Variants in IL1R2 observed in about 807,000 individuals in gnomAD.
IL1R2 encodes the protein interleukin-1 receptor type 2.
A neutral mutation model predicts 39.5 loss-of-function variants in IL1R2; 46 were observed. That is an observed-to-expected ratio of 1.16 (90% confidence interval 0.92 to 1.49). IL1R2 has a LOEUF of 1.49. IL1R2 is among the 40% of genes most tolerant of loss of function. The pLI, the probability that IL1R2 is intolerant of heterozygous loss-of-function variation, is 0.00. For synonymous variants in IL1R2, 207 were observed against 189.6 expected (o/e 1.09, Z -0.75); for missense variants, 537 against 502.0 (o/e 1.07, Z -0.67).
intron 2 of IL1R2, 109 bp from the exon 3 acceptor site, chr2:102,009,453 T>A: frequency 8.1e-7 from 1 of 1,230,682 alleles, no homozygotes; most frequent in Non-Finnish European, 1.1e-6. Context: ...TTCTCAAATG[T>A]GCTCCAGGTT....
At chr2:102,004,888 C>T (rs1676166727) in intron 1 of IL1R2, among the ~76,000 whole-genome samples, 1 of 152,208 alleles carries the variant, frequency 6.6e-6, no homozygotes, top group Non-Finnish European at 1.5e-5. Context: ...AGACAATTCC[C>T]TTGGCTGGAG....
In IL1R2 at chr2:102,008,555, C is replaced by A; in HGVS notation, c.-21C>A. On this transcript the variant is annotated 5_prime_UTR_variant, in exon 2 of 9. Transcript: ENST00000332549. ...GTCTCAGTCCTCCACTTCCCGTGTC[C>A]TCTGGAAGTTGTCAGGAGCAATGTT... 6.2e-7 allele frequency: 1 copy of A among 1,611,474 alleles called. No individual in the cohort carries two copies. The highest frequency in any genetic ancestry group is 8.5e-7 in the Non-Finnish European group (1 of 1,177,656).
intron 1 of IL1R2, among the ~76,000 whole-genome samples, chr2:102,003,199 T>C (rs1398031767): frequency 6.7e-6 from 1 of 149,908 alleles, no homozygotes; most frequent in African/African-American, 2.4e-5. Context: ...TCTGTGTCTA[T>C]GTCTATGTCT....
At chr2:102,028,156 C>A (rs1677846358) in intron 8 of IL1R2, 70 bp from the exon 9 acceptor site, 1 of 1,277,576 alleles carries the variant, frequency 7.8e-7, no homozygotes, top group Non-Finnish European at 1.0e-6. Context: ...TCTTGTACAC[C>A]TGCATTGCCC....
rs767273520 is a variant in IL1R2 at position 102,024,048 on chromosome 2, C to CA, written c.752-480dup. 3.0e-4 allele frequency among the ~76,000 whole-genome samples: 42 copies of CA among 139,952 alleles called. 2 individuals are homozygous for CA. The highest frequency in any genetic ancestry group is 1.1e-3 in the African/African-American group (37 of 34,504). The allele number at this position is 139,952 out of a possible 152,430, so 91.8% of individuals were successfully genotyped here. ...TGGGCGACAGAGCGAGACTCCATCTCAAAAACAAAACAAAACAAAACAAAA... is the reference window on the plus strand; with the variant it reads ...TGGGCGACAGAGCGAGACTCCATCTCAAAAAACAAAACAAAACAAAACAAAA... On this transcript the variant is annotated intron_variant, in intron 6 of 8. Transcript: ENST00000332549.
chr2:102,023,924 CCCGGGT>C (rs1361578198), intron 6 of IL1R2, among the ~76,000 whole-genome samples: 1 of 152,072 alleles, frequency 6.6e-6, no homozygotes, highest in Non-Finnish European at 1.5e-5. Context: ...GTGGCGGGTG[CCCGGGT>C]CCCAGCTCCT....
chr2:102,011,485 A>G (rs1375134910), intron 3 of IL1R2, among the ~76,000 whole-genome samples: 1 of 152,232 alleles, frequency 6.6e-6, no homozygotes, highest in East Asian at 1.9e-4. Context: ...CCTAATGATT[A>G]GCGATGCTGA....
chr2:102,017,218 C>T (rs1326983267), intron 4 of IL1R2, among the ~76,000 whole-genome samples: 1 of 151,672 alleles, frequency 6.6e-6, no homozygotes, highest in Non-Finnish European at 1.5e-5. Flanking sequence ...GCCAACATGT[C>T]AAAACCCCAT....
Position 102,028,486 on chromosome 2 carries a change from A to C in IL1R2, c.*94A>C. 1 of 1,106,386 alleles carries C rather than the reference A, an allele frequency of 9.0e-7. No homozygotes were observed. Among genetic ancestry groups the C allele is most frequent in the Non-Finnish European group, 1.3e-6 (1 of 794,124 alleles). 68.5% of individuals were successfully genotyped at this position (1,106,386 alleles called of 1,614,324 possible). A position where few individuals can be genotyped will look rare whatever the true frequency, so the allele number is the denominator to read the frequency against. On this transcript the variant is annotated 3_prime_UTR_variant, in exon 9 of 9. Transcript: ENST00000332549. ...TTTGAGGGACTCTGTTCTTTGCCTC[A>C]GTTGTCTACCAAAGGTGCCACATTT... is the stretch of plus-strand genomic sequence containing the variant.
intron 3 of IL1R2, among the ~76,000 whole-genome samples, chr2:102,013,823 T>C (rs1577712109): frequency 6.6e-6 from 1 of 152,092 alleles, no homozygotes; most frequent in Admixed American, 6.6e-5. Context: ...CTCTCATGGC[T>C]GTTACAACTT....
chr2:102,002,962 GT>G (rs1675994867), intron 1 of IL1R2, among the ~76,000 whole-genome samples: 1 of 151,538 alleles, frequency 6.6e-6, no homozygotes, highest in African/African-American at 2.4e-5. Context: ...CTATGTCTGT[GT>G]CTGTGTTTGT....
At chr2:102,025,437 C>T (rs1394485721) in intron 7 of IL1R2, among the ~76,000 whole-genome samples, 1 of 152,144 alleles carries the variant, frequency 6.6e-6, no homozygotes, top group East Asian at 1.9e-4. Flanking sequence ...AAGACCTGGC[C>T]ACAACTAAAT....
At chr2:102,003,343 G>T (rs944781573) in intron 1 of IL1R2, among the ~76,000 whole-genome samples, 9 of 138,664 alleles carry the variant, frequency 6.5e-5, no homozygotes, top group Non-Finnish European at 1.2e-4. Context: ...TCTGGCTGTG[G>T]CTGTGTCTGT....
Position 102,024,617 on chromosome 2 carries a change from C to T in IL1R2, c.836C>T (p.Thr279Ile), listed in dbSNP as rs1437111732. ...TTMLWWTAND[T>I]HIESAYPGGR... ...ATGCTGTGGTGGACGGCCAATGACA[C>T]CCACATAGAGAGCGCCTACCCGGGA... Residue 279 changes from threonine to isoleucine, a missense_variant, in exon 7 of 9, where the codon ACC (threonine) becomes ATC (isoleucine). Thr to Ile is a moderately conservative substitution (Grantham distance 89, BLOSUM62 -1). Coordinates refer to ENST00000332549, the MANE Select transcript of IL1R2 (RefSeq NM_004633.4). The T allele has an allele frequency of 1.2e-6, 2 of 1,614,036 alleles. No individual in the cohort carries two copies. Among genetic ancestry groups the T allele is most frequent in the South Asian group, 2.2e-5 (2 of 91,074 alleles).
At chr2:102,023,703 G>A (rs968364144) in intron 6 of IL1R2, 1 of 152,146 alleles carries the variant, frequency 6.6e-6, no homozygotes, top group African/African-American at 2.4e-5. Context: ...TGAGGCAGGG[G>A]GACCCAGTAC....
intron 2 of IL1R2, among the ~76,000 whole-genome samples, chr2:102,009,103 A>G (rs1676457490): frequency 6.6e-6 from 1 of 152,160 alleles, no homozygotes; most frequent in African/African-American, 2.4e-5. Context: ...TGTGCTTGTC[A>G]AAGAGCAAAC....
intron 5 of IL1R2, among the ~76,000 whole-genome samples, chr2:102,020,098 G>A (rs1677276312): frequency 6.6e-6 from 1 of 152,246 alleles, no homozygotes. Flanking sequence ...AGTGGCTTCT[G>A]TAGAAGGTAC....
chr2:102,022,878 G>C (rs969533441), intron 6 of IL1R2, among the ~76,000 whole-genome samples: 5 of 152,134 alleles, frequency 3.3e-5, no homozygotes, highest in African/African-American at 4.8e-5. Flanking sequence ...GGGCGGAATT[G>C]ATGTTTATTG....
intron 3 of IL1R2, among the ~76,000 whole-genome samples, chr2:102,013,524 C>CAAAAAAAAAAAAAAAAAAAAA (rs771727938): frequency 1.2e-3 from 7 of 5,690 alleles, no homozygotes; most frequent in African/African-American, 3.1e-3. Context: ...TCTATCACTG[C>CAAAAAAAAAAAAAAAAAAAAA]AAAAAAAAAA....
Sources: allele counts gnomAD v4.1 joint callset (sites outside exome capture counted in the v4.1 genomes callset), GRCh38; gene constraint gnomAD v4.1.1; transcripts MANE v1.5; gene names NCBI Gene and HGNC (gene_info 2026-07-23, HGNC 2026-07-21).